The following CSMD2 variants were observed in gnomAD, a reference collection of about 807,000 sequenced individuals.
The protein encoded by CSMD2 is CUB and sushi domain-containing protein 2.
In CSMD2, 130 loss-of-function variants were observed where a neutral mutation model predicts 398.5. That is an observed-to-expected ratio of 0.33 (90% CI 0.28 to 0.38). CSMD2 has a LOEUF of 0.38. Among genes scored for constraint, CSMD2 ranks in the 10% least tolerant of loss-of-function variants. CSMD2 has a pLI of 1.00. For missense variants in CSMD2, 3,829 were observed against 4,764.9 expected, an observed-to-expected ratio of 0.80 and a Z score of 5.78; for synonymous variants, 1,828 against 1,908.5, an observed-to-expected ratio of 0.96 and a Z score of 1.10.
At chr1:33,814,905 G>C (rs918689333) in intron 9 of CSMD2, among the ~76,000 whole-genome samples, 1 of 151,864 alleles carries the variant, frequency 6.6e-6, no homozygotes, top group Non-Finnish European at 1.5e-5. Context: ...ATTGATCCTC[G>C]CCTGACCCCT....
chr1:33,839,429 G>C (rs1570217506), intron 6 of CSMD2: 1 of 154,372 alleles, frequency 6.5e-6, no homozygotes, highest in Admixed American at 6.5e-5. Flanking sequence ...GTTTGGAAGA[G>C]AGCTTGACCC....
At chr1:33,541,497 T>C (rs6674055) in intron 58 of CSMD2, among the ~76,000 whole-genome samples, 188 bp from the exon 59 acceptor site, 30,661 of 152,112 alleles carry the variant, frequency 0.2, 3,268 homozygotes, top group East Asian at 0.36. Flanking sequence ...GTCAGGGTCT[T>C]ACTCTGTCAC....
chr1:34,085,762 T>C (rs1353554174), intron 2 of CSMD2, among the ~76,000 whole-genome samples: 2 of 152,176 alleles, frequency 1.3e-5, no homozygotes, highest in African/African-American at 2.4e-5. Context: ...ATTTTATTTA[T>C]AAACAGACTT....
intron 59 of CSMD2, 77 bp downstream of exon 59, chr1:33,541,053 A>G: frequency 2.8e-6 from 4 of 1,452,336 alleles, no homozygotes; most frequent in Non-Finnish European, 3.8e-6. Flanking sequence ...TCTCCCTTCT[A>G]GAGAGATGCT....
At chr1:33,543,568 C>T (rs190291344) in intron 57 of CSMD2, among the ~76,000 whole-genome samples, 1 of 152,322 alleles carries the variant, frequency 6.6e-6, no homozygotes, top group Non-Finnish European at 1.5e-5. Flanking sequence ...TGTTGAGGCT[C>T]ATCAGTGATT....
At chr1:33,626,429 C>T (rs771336974) in intron 33 of CSMD2, 57 bp downstream of exon 33, 395 of 1,271,680 alleles carry the variant, frequency 3.1e-4, no homozygotes, top group Non-Finnish European at 4.1e-4. Context: ...CCTTCGATCA[C>T]GAGTCCCTTA....
In CSMD2 at chr1:33,687,486, A is replaced by T. The variant is rs1264360806; in HGVS notation, c.4052+5444T>A. Among the ~76,000 whole-genome samples the T allele has an allele frequency of 3.9e-5, 6 of 152,228 alleles. No individual in the cohort carries two copies. In the East Asian group the frequency reaches 1.2e-3, roughly 29 times the overall value. Reference sequence around the variant, plus strand: ...ACAAGATCACTGGCAAAATAAAAACAGGATATAGAACTCTGAAATCACTAG... The same window carrying T: ...ACAAGATCACTGGCAAAATAAAAACTGGATATAGAACTCTGAAATCACTAG... On this transcript the variant is annotated intron_variant, in intron 25 of 70. Coordinates refer to ENST00000373381, the MANE Select transcript of CSMD2 (RefSeq NM_001281956.2).
In CSMD2 at chr1:33,788,609, A is replaced by T; in HGVS notation, c.1654T>A (p.Ser552Thr). 1 of 1,603,248 alleles carries T rather than the reference A, an allele frequency of 6.2e-7. No individual in the cohort carries two copies. Among genetic ancestry groups the T allele is most frequent in the Non-Finnish European group, 8.5e-7 (1 of 1,170,132 alleles). ...TGCCAAAAGCAGTTACCTTCATAAG[A>T]AGCCTTGAATCCCAGGGAACTGCCA... ...GSGSSLGFKA[S>T]YEEIEQGSCG... is the part of the protein sequence containing the mutation. The change falls in exon 12 of 71, where the codon TCT becomes ACT. Residue 552 changes from serine to threonine, a missense_variant. Physicochemically the swap from Ser to Thr is moderately conservative, Grantham distance 58. Coordinates refer to ENST00000373381, the MANE Select transcript of CSMD2 (RefSeq NM_001281956.2).
chr1:33,894,005 G>A (rs1558065528), intron 5 of CSMD2, among the ~76,000 whole-genome samples: 1 of 152,190 alleles, frequency 6.6e-6, no homozygotes, highest in Non-Finnish European at 1.5e-5. Context: ...GCTGTTGTCT[G>A]ACAGTGGTGA....
chr1:33,873,843 C>T (rs1443824782), intron 5 of CSMD2: 1 of 152,240 alleles, frequency 6.6e-6, no homozygotes, highest in Non-Finnish European at 1.5e-5. Flanking sequence ...CAGCAACAGA[C>T]ACCTAACGCA....
Position 33,698,905 on chromosome 1 carries a change from T to G in CSMD2, c.3773A>C (p.Lys1258Thr). 6.2e-7 allele frequency: 1 copy of G among 1,614,068 alleles called. No homozygotes were observed. ...LIKCEDPGTP[K>T]FGYKVHDEGH... ...TTCATCATGAACCTTGTAGCCAAACTTGGGGGTTCCTGGGTCCTCACATTT... is the reference window on the plus strand; with the variant it reads ...TTCATCATGAACCTTGTAGCCAAACGTGGGGGTTCCTGGGTCCTCACATTT... The change falls in exon 24 of 71, where the codon AAG (lysine) becomes ACG (threonine). Residue 1258 changes from lysine to threonine, a missense_variant. Lys to Thr is a moderately conservative substitution (Grantham distance 78, BLOSUM62 -1). Coordinates refer to ENST00000373381, the MANE Select transcript of CSMD2 (RefSeq NM_001281956.2).
At chr1:34,159,255 T>C (rs1340056902) in intron 1 of CSMD2, among the ~76,000 whole-genome samples, 3 of 151,366 alleles carry the variant, frequency 2.0e-5, no homozygotes, top group South Asian at 2.1e-4. Context: ...ATGTGAGGAG[T>C]TGTAAGAACC....
At position 33,544,119 on chromosome 1, in the gene CSMD2, T is replaced by C. The variant is rs865794727; in HGVS notation, c.9101-1223A>G. The stretch of plus-strand genomic sequence containing the variant: ...ATATTTGTCTTTTTTTTTTTTTTTT[T>C]TTTTTGAGACGGAGTCTCGCTCTTT... On this transcript the variant is annotated intron_variant, in intron 57 of 70. Coordinates refer to ENST00000373381, the MANE Select transcript of CSMD2 (RefSeq NM_001281956.2). Among the ~76,000 whole-genome samples the C allele has an allele frequency of 1.9e-3, 278 of 148,152 alleles. 3 individuals are homozygous for C. Among genetic ancestry groups the C allele is most frequent in the Middle Eastern group, 6.9e-3 (2 of 288 alleles).
chr1:33,544,273 A>AT (rs34986232), intron 57 of CSMD2, among the ~76,000 whole-genome samples: 43,775 of 136,622 alleles, frequency 0.32, 9,101 homozygotes, highest in African/African-American at 0.6. Flanking sequence ...CGACCGGCTA[A>AT]TTTTTTTTTT....
At chr1:34,154,120 C>G (rs1640585618) in intron 1 of CSMD2, among the ~76,000 whole-genome samples, 1 of 152,166 alleles carries the variant, frequency 6.6e-6, no homozygotes, top group South Asian at 2.1e-4. Context: ...GAAGTTCAAA[C>G]AGCTAACAAG....
At chr1:33,611,977 A>T (rs190345833) in intron 40 of CSMD2, among the ~76,000 whole-genome samples, 1 of 152,364 alleles carries the variant, frequency 6.6e-6, no homozygotes, top group Non-Finnish European at 1.5e-5. Flanking sequence ...TTGCATTGAT[A>T]ATTGTAAAAA....
rs1439431745 is a variant in CSMD2, at chr1:33,635,902, A to C, written c.4969+458T>G. 2.0e-5 allele frequency among the ~76,000 whole-genome samples: 3 copies of C among 152,080 alleles called. No homozygotes were observed. Among genetic ancestry groups the C allele is most frequent in the Admixed American group, 1.3e-4 (2 of 15,280 alleles). ...TCAATGGGTGGTCACCAAGCTCTTA[A>C]AGCCCTGATACTCATTCCTATCTCT... is the stretch of plus-strand genomic sequence containing the variant. On this transcript the variant is annotated intron_variant, in intron 30 of 70. Coordinates refer to ENST00000373381, the MANE Select transcript of CSMD2 (RefSeq NM_001281956.2). The surrounding 1 kb of genome is among the most constrained non-coding windows in gnomAD (Gnocchi z 5.0).
intron 2 of CSMD2, among the ~76,000 whole-genome samples, chr1:34,086,807 T>C (rs990735959): frequency 1.3e-5 from 2 of 152,092 alleles, no homozygotes; most frequent in Non-Finnish European, 2.9e-5. Context: ...TCCAAGGGTT[T>C]CCTGTGCCTC....
At chr1:34,094,711 A>G (rs1008085866) in intron 1 of CSMD2, among the ~76,000 whole-genome samples, 1 of 152,268 alleles carries the variant, frequency 6.6e-6, no homozygotes, top group African/African-American at 2.4e-5. Flanking sequence ...AGAGCTAACT[A>G]TCCTAAACAT....
Sources: gnomAD v4.1 joint callset for allele counts (sites outside exome capture counted in the v4.1 genomes callset) on GRCh38, gnomAD v4.1.1 for gene constraint, Gnocchi (gnomAD v3.1) non-coding constraint, MANE v1.5 for transcripts, NCBI Gene and HGNC (gene_info 2026-07-23, HGNC 2026-07-21) for gene names.